Variants in MUC17 observed in about 807,000 individuals in gnomAD.
MUC17 encodes the protein mucin-17.
A neutral mutation model predicts 170.3 loss-of-function variants in MUC17; 190 were observed. That is an observed-to-expected ratio of 1.12 (90% confidence interval 0.99 to 1.26). The LOEUF (loss-of-function observed/expected upper bound fraction) is 1.26, where lower values mean the gene tolerates loss of function less well. Ranked by LOEUF, MUC17 falls within the 50% of genes most tolerant of loss-of-function variation. The pLI is 0.00. For missense variants in MUC17, 6,415 were observed against 5,530.0 expected, an observed-to-expected ratio of 1.16 and a Z score of -5.08; for synonymous variants, 2,325 against 2,002.5, an observed-to-expected ratio of 1.16 and a Z score of -4.30.
chr7:101,031,854 C>CG lies in MUC17; in HGVS notation c.439dup (p.Val147GlyfsTer8), dbSNP rs769261570. 3.1e-6 allele frequency: 5 copies of CG among 1,614,180 alleles called. No homozygotes were observed. Among genetic ancestry groups the CG allele is most frequent in the Admixed American group, 3.3e-5 (2 of 60,032 alleles). ...CTCCTACAACTCCTGAAGGCACCGA[C>CG]GTGCCCATGTCAACACCAAGTGAAG... On this transcript the variant is annotated frameshift_variant, in exon 3 of 13. Coordinates refer to ENST00000306151, the MANE Select transcript of MUC17 (RefSeq NM_001040105.2). LOFTEE classifies it high-confidence loss of function.
intron 6 of MUC17, among the ~76,000 whole-genome samples, chr7:101,049,596 G>A (rs1429366126): frequency 1.3e-5 from 2 of 152,120 alleles, no homozygotes; most frequent in Non-Finnish European, 2.9e-5. Context: ...GGTTTCTCTG[G>A]AGGCCTCTCT....
intron 1 of MUC17, among the ~76,000 whole-genome samples, chr7:101,023,031 C>T (rs992769571): frequency 5.9e-5 from 9 of 152,114 alleles, no homozygotes; most frequent in African/African-American, 1.7e-4. Flanking sequence ...AATCTAAAAC[C>T]GAGGTGTCAC....
intron 1 of MUC17, 76 bp downstream of exon 1, chr7:101,020,293 A>G: frequency 7.6e-7 from 1 of 1,315,852 alleles, no homozygotes; most frequent in Non-Finnish European, 1.0e-6. Context: ...CCCATCCCCG[A>G]GGGAGAGCTG....
At chr7:101,045,656 G>T (rs1369444485) in intron 3 of MUC17, among the ~76,000 whole-genome samples, 1 of 152,180 alleles carries the variant, frequency 6.6e-6, no homozygotes, top group Admixed American at 6.5e-5. Flanking sequence ...GCTTCCCAAA[G>T]TGTTAGGATT....
rs774276977 is a variant in MUC17 at position 101,051,972 on chromosome 7, C to A, written c.13103+10C>A. ...GTGGACCTCAGTGCCTGTGAGTGCT[C>A]CCCCATCTCCTCCAGCCCAGCCCAG... On this transcript the variant is annotated intron_variant, in intron 9 of 12. Transcript: ENST00000306151. The A allele has an allele frequency of 3.7e-6, 6 of 1,607,322 alleles. No individual in the cohort carries two copies.
Position 101,048,936 on chromosome 7 carries a change from G to T in MUC17, c.12627G>T (p.Gln4209His), listed in dbSNP as rs1217273279. ...FTEELKNHSSQEFQEFKQTFT... is the reference protein window; with the variant it reads ...FTEELKNHSSHEFQEFKQTFT... Reference sequence around the variant, plus strand: ...AAGAGCTAAAAAACCACTCTTCCCAGGAATTCCAGGAGTTCAAACAGACAT... The same window carrying T: ...AAGAGCTAAAAAACCACTCTTCCCATGAATTCCAGGAGTTCAAACAGACAT... The change falls in exon 5 of 13, where the codon CAG becomes CAT. Residue 4209 changes from glutamine to histidine, a missense_variant. Transcript: ENST00000306151. The T allele has an allele frequency of 6.2e-7, 1 of 1,613,888 alleles. No homozygotes were observed. The highest frequency in any genetic ancestry group is 2.2e-5 in the East Asian group (1 of 44,880).
At chr7:101,051,023 C>T (rs979500976) in intron 7 of MUC17, among the ~76,000 whole-genome samples, 3 of 151,926 alleles carry the variant, frequency 2.0e-5, no homozygotes, top group Non-Finnish European at 2.9e-5. Flanking sequence ...CCATGGGCCT[C>T]GTTACACAGG....
chr7:101,032,427 A>G lies in MUC17; in HGVS notation c.1011A>G (p.Thr337=), dbSNP rs372425590. ...ATACTGAAGGAAGCACTCCATTAAC[A>G]AGTACGCCTGCCAGCACCATGCCGG... ...STYTEGSTPL[T]STPASTMPVA... Residue 337 remains threonine, a synonymous_variant, in exon 3 of 13, where the codon ACA becomes ACG. Coordinates refer to ENST00000306151, the MANE Select transcript of MUC17 (RefSeq NM_001040105.2). 3 of 1,613,822 alleles carry G rather than the reference A, an allele frequency of 1.9e-6. No homozygotes were observed.
In MUC17 at chr7:101,038,317, A is replaced by G. The variant is rs745802262; in HGVS notation, c.6901A>G (p.Thr2301Ala). 3 of 1,613,324 alleles carry G rather than the reference A, an allele frequency of 1.9e-6. No homozygotes were observed. Among genetic ancestry groups the G allele is most frequent in the Non-Finnish European group, 2.5e-6 (3 of 1,179,648 alleles). ...CAATTCTGAGGTTAGCACCCTTTCA[A>G]CAACTCCTGTTGACTCCAACACTCC... The part of the protein sequence containing the change: ...VANSEVSTLS[T>A]TPVDSNTPFT... Residue 2301 changes from threonine to alanine, a missense_variant, in exon 3 of 13, where the codon ACA (threonine) becomes GCA (alanine). Transcript: ENST00000306151.
Position 101,041,192 on chromosome 7 carries a change from C to A in MUC17, c.9776C>A (p.Ala3259Asp). Residue 3259 changes from alanine (A) to aspartate (D), a missense_variant, in exon 3 of 13, where the codon GCC (alanine) becomes GAC (aspartate). By Grantham distance (126) the Ala-to-Asp change is moderately radical (BLOSUM62 -2). Coordinates refer to ENST00000306151, the MANE Select transcript of MUC17 (RefSeq NM_001040105.2). ...SNTPLTTSTE[A>D]SSSPPTAEGT... ...ACTCCTTTGACCACTTCTACTGAAG[C>A]CAGTTCATCTCCTCCCACTGCTGAA... is the stretch of plus-strand genomic sequence containing the variant. 6.2e-7 allele frequency: 1 copy of A among 1,612,822 alleles called. No individual in the cohort carries two copies. Among genetic ancestry groups the A allele is most frequent in the Non-Finnish European group, 8.5e-7 (1 of 1,179,558 alleles).
rs759756477 is a variant in MUC17, at chr7:101,056,174, G to A, written c.13364-20G>A. ...CCTTCTAACCTCCTGTTTCCATGGT[G>A]CTTTCCATCCCTCCACAAGATGATG... On this transcript the variant is annotated intron_variant, in intron 11 of 12. Transcript: ENST00000306151. The A allele has an allele frequency of 2.7e-5, 43 of 1,613,374 alleles. No individual in the cohort carries two copies. Among genetic ancestry groups the A allele is most frequent in the Non-Finnish European group, 3.4e-5 (40 of 1,179,600 alleles).
rs760372658 is a variant in MUC17, at chr7:101,043,737, G to A, written c.12321G>A (p.Thr4107=). 1.7e-5 allele frequency: 28 copies of A among 1,613,568 alleles called. No individual in the cohort carries two copies. Among genetic ancestry groups the A allele is most frequent in the African/African-American group, 1.2e-4 (9 of 74,804 alleles). Residue 4107 remains threonine, a synonymous_variant, in exon 3 of 13, where the codon ACG becomes ACA. Coordinates refer to ENST00000306151, the MANE Select transcript of MUC17 (RefSeq NM_001040105.2). ...KPSTRTTSFP[T]VTTTAVPTNT... is the part of the protein sequence containing the mutation. ...GCACACGGACCACTTCCTTCCCCACGGTGACCACCACCGCTGTCCCCACGA... is the reference window on the plus strand; with the variant it reads ...GCACACGGACCACTTCCTTCCCCACAGTGACCACCACCGCTGTCCCCACGA...
At chr7:101,054,761 G>A (rs1029769369) in intron 11 of MUC17, among the ~76,000 whole-genome samples, 8 of 152,134 alleles carry the variant, frequency 5.3e-5, no homozygotes, top group South Asian at 2.1e-4. Context: ...TCAAGGCTGC[G>A]TGAGCTATGA....
intron 6 of MUC17, 119 bp from the exon 7 acceptor site, chr7:101,050,365 A>G: frequency 1.4e-6 from 2 of 1,437,618 alleles, no homozygotes; most frequent in Non-Finnish European, 1.9e-6. Context: ...CATCACCCCA[A>G]CTGTCCTGCC....
At position 101,031,832 on chromosome 7, in the gene MUC17, C is replaced by T; in HGVS notation, c.416C>T (p.Pro139Leu). The T allele has an allele frequency of 6.2e-7, 1 of 1,614,042 alleles. No homozygotes were observed. The highest frequency in any genetic ancestry group is 8.5e-7 in the Non-Finnish European group (1 of 1,179,856). ...FPSSTEDTSS[P>L]TTPEGTDVPM... ...AGTTCTACTGAAGACACTTCATCTC[C>T]TACAACTCCTGAAGGCACCGACGTG... Residue 139 changes from proline to leucine, a missense_variant, in exon 3 of 13, where the codon CCT (proline) becomes CTT (leucine). Physicochemically the swap from Pro to Leu is moderately conservative, Grantham distance 98. Coordinates refer to ENST00000306151, the MANE Select transcript of MUC17 (RefSeq NM_001040105.2).
intron 12 of MUC17, among the ~76,000 whole-genome samples, chr7:101,057,346 G>T (rs1308524535): frequency 6.6e-6 from 1 of 152,198 alleles, no homozygotes; most frequent in African/African-American, 2.4e-5. Flanking sequence ...AGCCCTTTGG[G>T]CAAGGATGAA....
At position 101,034,501 on chromosome 7, in the gene MUC17, G is replaced by A. The variant is rs1430962332; in HGVS notation, c.3085G>A (p.Gly1029Ser). 2 of 1,613,506 alleles carry A rather than the reference G, an allele frequency of 1.2e-6. No homozygotes were observed. Residue 1029 changes from glycine to serine, a missense_variant, in exon 3 of 13, where the codon GGT becomes AGT. Physicochemically the swap from Gly to Ser is moderately conservative, Grantham distance 56 (BLOSUM62 0). Transcript: ENST00000306151. ...CAGTTCACCTCCTCCCACTGCTGAA[G>A]GTACCAGCATGCCAACCTCAACTCC... ...EASSPPPTAE[G>S]TSMPTSTPSE... is the part of the protein sequence containing the mutation.
rs10245693 is a variant in MUC17, at chr7:101,025,036, T to A, written c.82+4819T>A. Among the ~76,000 whole-genome samples, 434 of 150,514 alleles carry A rather than the reference T, an allele frequency of 2.9e-3. 2 individuals are homozygous for A. Among genetic ancestry groups the A allele is most frequent in the African/African-American group, 0.01 (411 of 40,914 alleles). On this transcript the variant is annotated intron_variant, in intron 1 of 12. Coordinates refer to ENST00000306151, the MANE Select transcript of MUC17 (RefSeq NM_001040105.2). The stretch of plus-strand genomic sequence containing the variant: ...ACCACGTCTCTAAAAAAAAGAAAAA[T>A]TTAATGGGTTTGGGGAGAACAGAGC...
At position 101,042,807 on chromosome 7, in the gene MUC17, T is replaced by G. The variant is rs756302277; in HGVS notation, c.11391T>G (p.Thr3797=). 11 of 1,613,942 alleles carry G rather than the reference T, an allele frequency of 6.8e-6. No homozygotes were observed. The South Asian group carries it at 1.2e-4, about 18-fold the overall frequency. ...CTGAAGGCAGTTCATCTCCTACAAC[T>G]CTTGAAGGCACCACCACCATGCCTA... ...TASEGSSSPT[T]LEGTTTMPMS... is the part of the protein sequence containing the mutation. Residue 3797 remains threonine (T), a synonymous_variant, in exon 3 of 13, where the codon ACT becomes ACG. Transcript: ENST00000306151.
Sources: gnomAD v4.1 joint callset for allele counts (sites outside exome capture counted in the v4.1 genomes callset) on GRCh38, gnomAD v4.1.1 for gene constraint, MANE v1.5 for transcripts, NCBI Gene and HGNC (gene_info 2026-07-23, HGNC 2026-07-21) for gene names.